The following SRRM3 variants were observed in gnomAD, a reference collection of about 807,000 sequenced individuals.
SRRM3 encodes serine/arginine repetitive matrix 3.
A neutral mutation model predicts 66.2 loss-of-function variants in SRRM3; 27 were observed. That is an observed-to-expected ratio of 0.41 (90% CI 0.30 to 0.56). The LOEUF (loss-of-function observed/expected upper bound fraction) is 0.56, where lower values mean the gene tolerates loss of function less well. Among genes scored for constraint, SRRM3 ranks in the 20% least tolerant of loss-of-function variants. SRRM3 has a pLI of 0.32. For synonymous variants in SRRM3, 391 were observed against 414.9 expected, an observed-to-expected ratio of 0.94 and a Z score of 0.70; for missense variants, 918 against 991.9, an observed-to-expected ratio of 0.93 and a Z score of 1.00.
At chr7:76,211,367 C>T (rs781783058) in intron 1 of SRRM3, among the ~76,000 whole-genome samples, 1 of 87,056 alleles carries the variant, frequency 1.1e-5, no homozygotes, top group Non-Finnish European at 2.1e-5. Flanking sequence ...TGCCAGGGTC[C>T]GGGCGGAGGA....
intron 11 of SRRM3, among the ~76,000 whole-genome samples, chr7:76,276,903 G>C (rs1242787974): frequency 6.6e-6 from 1 of 152,190 alleles, no homozygotes; most frequent in Admixed American, 6.5e-5. Flanking sequence ...TGAGTTGGTT[G>C]TACTCTGAAA....
chr7:76,236,639 G>A (rs960830418), intron 2 of SRRM3, among the ~76,000 whole-genome samples: 3 of 152,224 alleles, frequency 2.0e-5, no homozygotes, highest in Non-Finnish European at 4.4e-5. Flanking sequence ...TCCGGAAGGC[G>A]GGGGGCCAAG....
intron 12 of SRRM3, 158 bp from the exon 13 acceptor site, chr7:76,282,490 T>A: frequency 2.2e-5 from 4 of 182,450 alleles, no homozygotes; most frequent in Non-Finnish European, 3.7e-5. Context: ...CCCCTGCCCC[T>A]CACTAGGCTC....
chr7:76,261,229 G>T, intron 6 of SRRM3, 123 bp from the exon 7 acceptor site: 1 of 788,630 alleles, frequency 1.3e-6, no homozygotes, highest in Non-Finnish European at 2.0e-6. Flanking sequence ...AAGGGACCTT[G>T]GGCTTCCTGG....
At chr7:76,205,269 G>T (rs1800267309) in intron 1 of SRRM3, among the ~76,000 whole-genome samples, 3 of 152,122 alleles carry the variant, frequency 2.0e-5, no homozygotes. Flanking sequence ...GAGTGCAGTG[G>T]TGCAATCTCA....
At position 76,287,163 on chromosome 7, in the gene SRRM3, C is replaced by T. The variant is rs782358336; in HGVS notation, c.*1320C>T. ...CCTTGGCCCAACCAGGCAGATGCCC[C>T]GGGCTCCAGTGGGGGGAGGGGTCTG... is the stretch of plus-strand genomic sequence containing the variant. On this transcript the variant is annotated 3_prime_UTR_variant, in exon 15 of 15. Transcript: ENST00000611745. 3.3e-5 allele frequency: 5 copies of T among 152,928 alleles called. 1 individual carries two copies. The highest frequency in any genetic ancestry group is 2.6e-4 in the Admixed American group (4 of 15,304). 9.5% of individuals were successfully genotyped at this position (152,928 alleles called of 1,614,324 possible). A position where few individuals can be genotyped will look rare whatever the true frequency, so the allele number is the denominator to read the frequency against.
intron 11 of SRRM3, 91 bp downstream of exon 11, chr7:76,267,526 G>A (rs1240428626): frequency 2.2e-6 from 2 of 897,044 alleles, no homozygotes; most frequent in Non-Finnish European, 3.0e-6. Context: ...GGGGCGATAA[G>A]TGTGGCATGG....
chr7:76,277,491 C>T (rs568118259), intron 11 of SRRM3, among the ~76,000 whole-genome samples: 1 of 151,932 alleles, frequency 6.6e-6, no homozygotes, highest in East Asian at 1.9e-4. Context: ...GCCAGGAATT[C>T]GAGACCAGCC....
At chr7:76,265,681 G>A (rs1422357925) in intron 10 of SRRM3, among the ~76,000 whole-genome samples, 2 of 149,822 alleles carry the variant, frequency 1.3e-5, no homozygotes, top group Non-Finnish European at 3.0e-5. Context: ...CCAGGAGTTC[G>A]AGACCAGCCT....
At chr7:76,282,584 C>A in intron 12 of SRRM3, 64 bp from the exon 13 acceptor site, 2 of 868,324 alleles carry the variant, frequency 2.3e-6, no homozygotes, top group Non-Finnish European at 3.2e-6. Flanking sequence ...CCAGGGAACC[C>A]TCCCCGCCCC....
At chr7:76,246,218 T>A (rs549230519) in intron 2 of SRRM3, among the ~76,000 whole-genome samples, 1 of 152,176 alleles carries the variant, frequency 6.6e-6, no homozygotes, top group Non-Finnish European at 1.5e-5. Context: ...TCTGACAATC[T>A]TGAAAGGCAG....
chr7:76,202,808 C>T (rs1024826087), intron 1 of SRRM3, among the ~76,000 whole-genome samples: 7 of 152,116 alleles, frequency 4.6e-5, no homozygotes, highest in Non-Finnish European at 8.8e-5. Context: ...CCTCCCCCTC[C>T]CTCCCAGGGC....
In SRRM3 at chr7:76,281,708, G is replaced by T; in HGVS notation, c.1276G>T (p.Ala426Ser). 1 of 1,188,118 alleles carries T rather than the reference G, an allele frequency of 8.4e-7. No individual in the cohort carries two copies. Among genetic ancestry groups the T allele is most frequent in the Non-Finnish European group, 1.0e-6 (1 of 954,878 alleles). The allele number at this position is 1,188,118 out of a possible 1,614,324, so 73.6% of individuals were successfully genotyped here. The change falls in exon 12 of 15, where the codon GCC (alanine) becomes TCC (serine). Residue 426 changes from alanine (A) to serine (S), a missense_variant. Ala to Ser is a moderately conservative substitution (Grantham distance 99, BLOSUM62 1). Coordinates refer to ENST00000611745, the MANE Select transcript of SRRM3 (RefSeq NM_001110199.3). ...GGGCTCGTCGCGCTCGCTCAGCAGGGCCCGCTCCAGCAGCGACTCCGGCAG... is the reference window on the plus strand; with the variant it reads ...GGGCTCGTCGCGCTCGCTCAGCAGGTCCCGCTCCAGCAGCGACTCCGGCAG... ...PRGSSRSLSR[A>S]RSSSDSGSGR...
At chr7:76,283,244 G>T in intron 14 of SRRM3, 143 bp downstream of exon 14, 1 of 1,032,306 alleles carries the variant, frequency 9.7e-7, no homozygotes, top group Non-Finnish European at 1.3e-6. Context: ...GGGACAATGA[G>T]TGGGTTCTGC....
intron 3 of SRRM3, among the ~76,000 whole-genome samples, chr7:76,255,337 C>T (rs969052045): frequency 6.6e-6 from 1 of 151,682 alleles, no homozygotes; most frequent in African/African-American, 2.4e-5. Flanking sequence ...TTAGTAGAGA[C>T]GGGGTTTCTC....
chr7:76,205,703 A>G (rs1800285070), intron 1 of SRRM3, among the ~76,000 whole-genome samples: 1 of 152,134 alleles, frequency 6.6e-6, no homozygotes, highest in Non-Finnish European at 1.5e-5. Context: ...CTCACCTCAA[A>G]TTCTGGGCCA....
intron 3 of SRRM3, among the ~76,000 whole-genome samples, chr7:76,257,883 C>T (rs1186345175): frequency 1.8e-4 from 28 of 152,214 alleles, no homozygotes; most frequent in Admixed American, 1.8e-3. Context: ...AAGAGGCTCA[C>T]AGAGGGACAC....
chr7:76,205,015 C>G (rs1800260095), intron 1 of SRRM3, among the ~76,000 whole-genome samples: 2 of 149,340 alleles, frequency 1.3e-5, no homozygotes, highest in Admixed American at 1.3e-4. Flanking sequence ...TCTTGATCCC[C>G]TCTCTCCTCA....
chr7:76,281,865 A>G (rs1464047243), intron 12 of SRRM3, 63 bp downstream of exon 12: 9 of 1,057,184 alleles, frequency 8.5e-6, no homozygotes, highest in Non-Finnish European at 1.0e-5. Flanking sequence ...CCCCTCCACT[A>G]GCGGATCCCT....
Sources: allele counts gnomAD v4.1 joint callset (sites outside exome capture counted in the v4.1 genomes callset), GRCh38; gene constraint gnomAD v4.1.1; transcripts MANE v1.5; gene names NCBI Gene and HGNC (gene_info 2026-07-23, HGNC 2026-07-21).